The following DYRK1A variants were observed in gnomAD, a reference collection of about 807,000 sequenced individuals.
DYRK1A encodes dual specificity tyrosine-phosphorylation-regulated kinase 1A.
Under a neutral mutation model 79.7 loss-of-function variants are expected in DYRK1A, and 9 were observed. The ratio of observed to expected loss-of-function variants is 0.11; its 90% CI spans 0.07 to 0.20. The LOEUF (loss-of-function observed/expected upper bound fraction) is 0.20. Ranked by LOEUF, DYRK1A falls within the 10% of genes least tolerant of loss-of-function variation. DYRK1A has a pLI of 1.00. For synonymous variants in DYRK1A, 349 were observed against 329.7 expected (o/e 1.06, Z -0.63); for missense variants, 622 against 956.0 (o/e 0.65, Z 4.61).
intron 1 of DYRK1A, 133 bp downstream of exon 1, chr21:37,367,761 C>G (rs1391813994): frequency 1.4e-5 from 2 of 147,066 alleles, no homozygotes; most frequent in Non-Finnish European, 3.0e-5. Flanking sequence ...CGCCGCGGGC[C>G]CAGGGCCGGC....
chr21:37,403,329 T>TA (rs1227574262), intron 1 of DYRK1A, among the ~76,000 whole-genome samples: 2 of 152,182 alleles, frequency 1.3e-5, no homozygotes, highest in Non-Finnish European at 2.9e-5. Flanking sequence ...ATAGCTGCTT[T>TA]AAAATCTTTG....
intron 1 of DYRK1A, among the ~76,000 whole-genome samples, chr21:37,402,502 C>G (rs554410650): frequency 5.3e-4 from 81 of 152,230 alleles, no homozygotes; most frequent in African/African-American, 1.9e-3. Flanking sequence ...CTCGATATAC[C>G]AGTCTTTTCT....
At chr21:37,496,660 A>C (rs368684406) in intron 9 of DYRK1A, among the ~76,000 whole-genome samples, 1 of 151,756 alleles carries the variant, frequency 6.6e-6, no homozygotes, top group East Asian at 1.9e-4. Flanking sequence ...TTTTTTTTTA[A>C]GTTCAGTTGG....
At chr21:37,401,528 G>A (rs1190294913) in intron 1 of DYRK1A, among the ~76,000 whole-genome samples, 1 of 149,062 alleles carries the variant, frequency 6.7e-6, no homozygotes, top group Non-Finnish European at 1.5e-5. Context: ...TGTTGCCCAG[G>A]CTGGAGTGCA....
In DYRK1A at chr21:37,479,606, G is replaced by GTTTTTTTTTTTTTTTTTTTTTTTTTTTT. The variant is rs1183029117; in HGVS notation, c.301-1027_301-1026insTTTTTTTTTTTTTTTTTTTTTTTTTTTT. On this transcript the variant is annotated intron_variant, in intron 4 of 11. Transcript: ENST00000647188. ...GTGTTGGTGTTTTGTTTTTGTTTTT[G>GTTTTTTTTTTTTTTTTTTTTTTTTTTTT]TTTTTGTTTTTTGTTTTTTTTTTTT... is the stretch of plus-strand genomic sequence containing the variant. Among the ~76,000 whole-genome samples the GTTTTTTTTTTTTTTTTTTTTTTTTTTTT allele has an allele frequency of 1.7e-3, 47 of 27,596 alleles. 6 individuals carry two copies. Among genetic ancestry groups the GTTTTTTTTTTTTTTTTTTTTTTTTTTTT allele is most frequent in the East Asian group, 0.01 (9 of 880 alleles). The allele number at this position is 27,596 out of a possible 152,430, so 18.1% of individuals were successfully genotyped here. A position where few individuals can be genotyped will look rare whatever the true frequency, so the allele number is the denominator to read the frequency against.
chr21:37,437,919 C>T (rs2050974148), intron 2 of DYRK1A, among the ~76,000 whole-genome samples: 1 of 152,174 alleles, frequency 6.6e-6, no homozygotes, highest in African/African-American at 2.4e-5. Context: ...TTTAAAGAAA[C>T]TGCTAAATGG....
chr21:37,398,246 G>C (rs2049994222), intron 1 of DYRK1A, among the ~76,000 whole-genome samples: 1 of 151,512 alleles, frequency 6.6e-6, no homozygotes, highest in Non-Finnish European at 1.5e-5. Flanking sequence ...CTGGAGGTGG[G>C]AGGATTGCTT....
chr21:37,373,179 T>C (rs2049467695), intron 1 of DYRK1A, among the ~76,000 whole-genome samples: 1 of 152,184 alleles, frequency 6.6e-6, no homozygotes, highest in African/African-American at 2.4e-5. Context: ...CGCTTCAGTA[T>C]CCTGTATGCC....
In DYRK1A at chr21:37,523,872, T is replaced by C. The variant is rs560549912; in HGVS notation, c.*11341T>C. The C allele has an allele frequency of 6.6e-6, 1 of 152,230 alleles. No individual in the cohort carries two copies. Among genetic ancestry groups the C allele is most frequent in the East Asian group, 1.9e-4 (1 of 5,188 alleles). The allele number at this position is 152,230 out of a possible 1,614,324, so 9.4% of individuals were successfully genotyped here. A position where few individuals can be genotyped will look rare whatever the true frequency, so the allele number is the denominator to read the frequency against. ...TACTGTGGCAGAATTGAGTAGTTGC[T>C]GCAGAGACCGTATGATGAGAATATG... On this transcript the variant is annotated 3_prime_UTR_variant, in exon 12 of 12. Transcript: ENST00000647188.
intron 7 of DYRK1A, among the ~76,000 whole-genome samples, chr21:37,490,895 G>T (rs1238317533): frequency 6.6e-6 from 1 of 151,960 alleles, no homozygotes; most frequent in East Asian, 1.9e-4. Flanking sequence ...CCCAAGTAAA[G>T]GTTTTAGTAT....
intron 7 of DYRK1A, 23 bp from the exon 8 acceptor site, chr21:37,492,994 T>C (rs947976795): frequency 1.3e-6 from 2 of 1,564,724 alleles, no homozygotes; most frequent in African/African-American, 2.7e-5. Context: ...ATTGAAGTAA[T>C]ACTATTTTGA....
intron 1 of DYRK1A, among the ~76,000 whole-genome samples, chr21:37,396,975 G>A (rs11702088): frequency 0.075 from 11,461 of 152,088 alleles, 643 homozygotes; most frequent in Non-Finnish European, 0.11. Flanking sequence ...ATTTTTTTCC[G>A]TCTTGTTCCT....
At chr21:37,443,797 G>A (rs1442721934) in intron 2 of DYRK1A, among the ~76,000 whole-genome samples, 1 of 152,082 alleles carries the variant, frequency 6.6e-6, no homozygotes, top group Non-Finnish European at 1.5e-5. Context: ...TGGTCTTCCT[G>A]TGTGTGTGTC....
intron 11 of DYRK1A, among the ~76,000 whole-genome samples, chr21:37,506,587 T>A (rs1444571005): frequency 6.6e-6 from 1 of 152,234 alleles, no homozygotes; most frequent in Non-Finnish European, 1.5e-5. Flanking sequence ...TCTGAATGAC[T>A]CGACTCTGCT....
rs527714813 is a variant in DYRK1A at position 37,513,411 on chromosome 21, C to G, written c.*880C>G. 1 of 152,754 alleles carries G rather than the reference C, an allele frequency of 6.5e-6. No individual in the cohort carries two copies. Among genetic ancestry groups the G allele is most frequent in the East Asian group, 1.9e-4 (1 of 5,190 alleles). The allele number at this position is 152,754 out of a possible 1,614,324, so 9.5% of individuals were successfully genotyped here. A position where few individuals can be genotyped will look rare whatever the true frequency, so the allele number is the denominator to read the frequency against. On this transcript the variant is annotated 3_prime_UTR_variant, in exon 12 of 12. Coordinates refer to ENST00000647188, the MANE Select transcript of DYRK1A (RefSeq NM_001347721.2). ...TTAGAAGAGCCTACCATTTCAGATGCAATCACTTTTGGACATGCTTTTGCA... is the reference window on the plus strand; with the variant it reads ...TTAGAAGAGCCTACCATTTCAGATGGAATCACTTTTGGACATGCTTTTGCA...
chr21:37,370,436 T>C (rs2049407414), intron 1 of DYRK1A, among the ~76,000 whole-genome samples: 1 of 152,212 alleles, frequency 6.6e-6, no homozygotes, highest in Non-Finnish European at 1.5e-5. Flanking sequence ...AATTGCCTTA[T>C]AATCTTGTGC....
At chr21:37,508,231 C>G (rs778489696) in intron 11 of DYRK1A, among the ~76,000 whole-genome samples, 2 of 152,216 alleles carry the variant, frequency 1.3e-5, no homozygotes, top group East Asian at 3.8e-4. Context: ...GCACCATTCT[C>G]TTCCCTGCAG....
chr21:37,409,262 T>G (rs1405388683), intron 1 of DYRK1A, among the ~76,000 whole-genome samples: 1 of 152,142 alleles, frequency 6.6e-6, no homozygotes, highest in Non-Finnish European at 1.5e-5. Context: ...TGTGCACTGT[T>G]TTAAATGGTT....
Position 37,506,204 on chromosome 21 carries a change from G to A in DYRK1A, c.1625G>A (p.Cys542Tyr). The A allele has an allele frequency of 6.2e-7, 1 of 1,614,154 alleles. No individual in the cohort carries two copies. The highest frequency in any genetic ancestry group is 8.5e-7 in the Non-Finnish European group (1 of 1,180,034). Residue 542 changes from cysteine to tyrosine, a missense_variant, in exon 11 of 12, where the codon TGC (cysteine) becomes TAC (tyrosine). Cys to Tyr is a radical substitution (Grantham distance 194). Around this residue, in one of 5 missense-constraint regions of DYRK1A, gnomAD observed 292 missense variants for 316.7 expected, o/e 0.92. Transcript: ENST00000647188. ...HFTAAVQAMDCETHSPQVRQQ... is the reference protein window; with the variant it reads ...HFTAAVQAMDYETHSPQVRQQ... ...ACAGCTGCCGTGCAGGCCATGGACT[G>A]CGAGACACACAGTCCCCAGGTGAGC...
Sources: allele counts gnomAD v4.1 joint callset (sites outside exome capture counted in the v4.1 genomes callset), GRCh38; gene constraint gnomAD v4.1.1; regional missense constraint gnomAD v4.1.1; transcripts MANE v1.5; gene names NCBI Gene and HGNC (gene_info 2026-07-23, HGNC 2026-07-21).